Variants in CUBN observed in about 807,000 individuals in gnomAD.
The protein encoded by CUBN is 460 kDa receptor.
A neutral mutation model predicts 405.3 loss-of-function variants in CUBN; 282 were observed. That is an observed-to-expected ratio of 0.70 (90% confidence interval 0.63 to 0.77). CUBN has a LOEUF of 0.77. CUBN is among the 30% of genes least tolerant of loss of function. CUBN has a pLI of 0.00. For missense variants in CUBN, 4,514 were observed against 4,475.2 expected (o/e 1.01, Z -0.25); for synonymous variants, 1,684 against 1,617.0 (o/e 1.04, Z -0.99).
intron 28 of CUBN, among the ~76,000 whole-genome samples, chr10:16,999,741 C>T (rs1304473007): frequency 6.6e-6 from 1 of 152,240 alleles, no homozygotes; most frequent in African/African-American, 2.4e-5. Flanking sequence ...AACAGTCATA[C>T]TTCTATTTAG....
chr10:16,937,147 T>C (rs555865731), intron 39 of CUBN, among the ~76,000 whole-genome samples: 21 of 152,294 alleles, frequency 1.4e-4, no homozygotes, highest in African/African-American at 4.3e-4. Flanking sequence ...CTTTGAAACA[T>C]GGAAATTTAC....
chr10:17,067,852 ATTTTGGTT>A (rs1835647159), intron 21 of CUBN, among the ~76,000 whole-genome samples: 1 of 151,618 alleles, frequency 6.6e-6, no homozygotes, highest in Non-Finnish European at 1.5e-5. Flanking sequence ...CATTATTTTA[ATTTTGGTT>A]TTGACTTCAT....
chr10:17,100,255 C>A lies in CUBN; in HGVS notation c.1531-16G>T. The A allele has an allele frequency of 6.7e-7, 1 of 1,486,824 alleles. No individual in the cohort carries two copies. Among genetic ancestry groups the A allele is most frequent in the Non-Finnish European group, 9.4e-7 (1 of 1,064,704 alleles). 92.1% of individuals were successfully genotyped at this position (1,486,824 alleles called of 1,614,324 possible). A position where few individuals can be genotyped will look rare whatever the true frequency, so the allele number is the denominator to read the frequency against. ...TACGCAGGACCTAAAAATACAAAGG[C>A]CACATATATTATCTTTTACTTCCAT... On this transcript the variant is annotated splice_polypyrimidine_tract_variant and intron_variant, in intron 13 of 66. Coordinates refer to ENST00000377833, the MANE Select transcript of CUBN (RefSeq NM_001081.4).
At chr10:17,057,095 A>G (rs1588615780) in intron 22 of CUBN, among the ~76,000 whole-genome samples, 1 of 152,146 alleles carries the variant, frequency 6.6e-6, no homozygotes, top group African/African-American at 2.4e-5. Flanking sequence ...AAGCCCCCAT[A>G]TTGGGACTCC....
At position 16,950,052 on chromosome 10, in the gene CUBN, G is replaced by T. The variant is rs781243315; in HGVS notation, c.5029C>A (p.Arg1677Ser). 1.9e-6 allele frequency: 3 copies of T among 1,614,046 alleles called. No homozygotes were observed. The South Asian group carries it at 3.3e-5, about 18-fold the overall frequency. Residue 1677 changes from arginine (R) to serine (S), a missense_variant, in exon 34 of 67, where the codon CGT becomes AGT. Around this residue, in one of 5 missense-constraint regions of CUBN, gnomAD observed 1,613 missense variants for 1,542.8 expected, o/e 1.05. Transcript: ENST00000377833. ...FELERSTTCARDFVEILDGGH... is the reference protein window; with the variant it reads ...FELERSTTCASDFVEILDGGH... ...CCATCCAAAATTTCTACAAAGTCAC[G>T]TGCACACGTTGTGCTTCTTTCAAGT... is the stretch of plus-strand genomic sequence containing the variant.
intron 31 of CUBN, among the ~76,000 whole-genome samples, chr10:16,972,578 C>T (rs1217441316): frequency 1.3e-5 from 2 of 152,010 alleles, no homozygotes. Flanking sequence ...ACTGGGAATA[C>T]AGGTATGTGC....
chr10:17,054,587 GA>G (rs1039692563), intron 22 of CUBN, among the ~76,000 whole-genome samples: 3 of 150,924 alleles, frequency 2.0e-5, no homozygotes, highest in Non-Finnish European at 3.0e-5. Context: ...ACTGATCAAA[GA>G]AAAAAGAAAA....
chr10:16,898,632 T>C (rs549794481), intron 54 of CUBN, among the ~76,000 whole-genome samples: 10 of 152,254 alleles, frequency 6.6e-5, no homozygotes, highest in African/African-American at 2.2e-4. Flanking sequence ...TGATGCCCCA[T>C]TCCCATCATT....
chr10:16,923,543 G>C (rs558891125), intron 43 of CUBN, among the ~76,000 whole-genome samples: 4 of 152,252 alleles, frequency 2.6e-5, no homozygotes, highest in Middle Eastern at 6.8e-3. Context: ...CAGTGATGCT[G>C]TTGTTTCAGG....
chr10:17,113,982 G>A (rs371775646), intron 8 of CUBN, 45 bp downstream of exon 8: 15 of 1,596,150 alleles, frequency 9.4e-6, no homozygotes, highest in African/African-American at 8.1e-5. Flanking sequence ...CTGGCACCTC[G>A]CCAACCTGGC....
chr10:17,068,120 A>G lies in CUBN; in HGVS notation c.2952T>C (p.Asn984=). The change falls in exon 21 of 67, where the codon AAT becomes AAC. Residue 984 remains asparagine (N), a synonymous_variant. Transcript: ENST00000377833. ...AAACTTCCAAGTAGTCGTTTGTGCA[A>G]TTGTAATGAAACTCCAGATGAAATG... The part of the protein sequence containing the change: ...FETFHLEFHY[N]CTNDYLEVYD... The G allele has an allele frequency of 1.2e-6, 2 of 1,613,618 alleles. No homozygotes were observed. Among genetic ancestry groups the G allele is most frequent in the Non-Finnish European group, 1.7e-6 (2 of 1,179,600 alleles).
intron 18 of CUBN, 85 bp from the exon 19 acceptor site, chr10:17,071,689 G>A (rs1835743771): frequency 1.5e-5 from 22 of 1,481,402 alleles, no homozygotes; most frequent in Non-Finnish European, 2.0e-5. Flanking sequence ...TACTGCCTGA[G>A]GAGATAACCG....
At chr10:16,935,331 T>C (rs1842470040) in intron 39 of CUBN, among the ~76,000 whole-genome samples, 1 of 151,956 alleles carries the variant, frequency 6.6e-6, no homozygotes, top group Non-Finnish European at 1.5e-5. Context: ...TTTTTAATCT[T>C]TTGTAGAGAT....
intron 15 of CUBN, among the ~76,000 whole-genome samples, 184 bp downstream of exon 15, chr10:17,087,980 A>C (rs2131869005): frequency 6.6e-6 from 1 of 152,272 alleles, no homozygotes; most frequent in South Asian, 2.1e-4. Flanking sequence ...GGAACCCAGA[A>C]GAAGAAGCAA....
At chr10:16,903,078 T>A (rs1023891449) in intron 51 of CUBN, among the ~76,000 whole-genome samples, 1 of 152,174 alleles carries the variant, frequency 6.6e-6, no homozygotes, top group African/African-American at 2.4e-5. Flanking sequence ...ATTATATGTA[T>A]AAAACACACA....
chr10:16,825,409 ATACTT>A (rs1838746353), intron 66 of CUBN, among the ~76,000 whole-genome samples: 1 of 152,162 alleles, frequency 6.6e-6, no homozygotes, highest in South Asian at 2.1e-4. Flanking sequence ...ACTGAATTGT[ATACTT>A]TAAGGAGATG....
chr10:16,832,566 T>C (rs1797081), intron 64 of CUBN, among the ~76,000 whole-genome samples: 91,915 of 152,062 alleles, frequency 0.6, 29,511 homozygotes, highest in East Asian at 0.82. Context: ...GCACCACGCT[T>C]TTGAGTTTGG....
chr10:16,843,561 A>G (rs775251435), intron 60 of CUBN, among the ~76,000 whole-genome samples: 2 of 152,264 alleles, frequency 1.3e-5, no homozygotes, highest in African/African-American at 2.4e-5. Flanking sequence ...ATGGAAGAGC[A>G]CATTTGCCAA....
At chr10:16,883,886 G>A (rs1446875647) in intron 56 of CUBN, among the ~76,000 whole-genome samples, 2 of 152,226 alleles carry the variant, frequency 1.3e-5, no homozygotes, top group Non-Finnish European at 2.9e-5. Context: ...TTTACGGCGT[G>A]TAGAATTTTT....
Sources: allele counts gnomAD v4.1 joint callset (sites outside exome capture counted in the v4.1 genomes callset), GRCh38; gene constraint gnomAD v4.1.1; regional missense constraint gnomAD v4.1.1; transcripts MANE v1.5; gene names NCBI Gene and HGNC (gene_info 2026-07-23, HGNC 2026-07-21).